UNC13B: variants seen among roughly 807,000 people sequenced by gnomAD.
UNC13B encodes the protein protein unc-13 homolog B.
UNC13B carries 144 observed loss-of-function variants against 211.0 expected under a neutral mutation model. The ratio of observed to expected loss-of-function variants is 0.68; its 90% CI spans 0.60 to 0.78. The LOEUF is 0.78. Among genes scored for constraint, UNC13B ranks in the 30% least tolerant of loss-of-function variants. The pLI, the probability that UNC13B is intolerant of heterozygous loss-of-function variation, is 0.00. For synonymous variants in UNC13B, 709 were observed against 725.8 expected (o/e 0.98, Z 0.37); for missense variants, 1,777 against 2,002.0 (o/e 0.89, Z 2.14).
chr9:35,180,033 T>C (rs1417173138), intron 1 of UNC13B, among the ~76,000 whole-genome samples: 1 of 152,200 alleles, frequency 6.6e-6, no homozygotes, highest in Non-Finnish European at 1.5e-5. Context: ...CATAGAAATC[T>C]GATTGTGTAT....
intron 6 of UNC13B, among the ~76,000 whole-genome samples, chr9:35,256,679 G>A (rs1826897890): frequency 6.6e-6 from 1 of 152,044 alleles, no homozygotes; most frequent in Non-Finnish European, 1.5e-5. Context: ...ATACCCACCT[G>A]GACAGGCTAT....
At chr9:35,187,470 CA>C (rs1822424117) in intron 1 of UNC13B, among the ~76,000 whole-genome samples, 1 of 152,160 alleles carries the variant, frequency 6.6e-6, no homozygotes. Flanking sequence ...AATTTAGTGA[CA>C]AATGGATGAT....
intron 11 of UNC13B, among the ~76,000 whole-genome samples, chr9:35,330,797 C>T (rs560104807): frequency 1.3e-5 from 2 of 152,286 alleles, no homozygotes; most frequent in Admixed American, 1.3e-4. Flanking sequence ...TAGGATGTCA[C>T]ACCTGGACTG....
intron 11 of UNC13B, among the ~76,000 whole-genome samples, chr9:35,364,829 A>G (rs1833673146): frequency 6.6e-6 from 1 of 152,196 alleles, no homozygotes; most frequent in South Asian, 2.1e-4. Context: ...TGTGCATTCA[A>G]TGTAGCATGT....
chr9:35,211,348 CGTGT>C (rs368579727), intron 1 of UNC13B, among the ~76,000 whole-genome samples: 3 of 151,724 alleles, frequency 2.0e-5, no homozygotes, highest in Non-Finnish European at 2.9e-5. Context: ...TACTTTTTAT[CGTGT>C]GTGTGTGTGT....
At chr9:35,173,838 T>A (rs1389248092) in intron 1 of UNC13B, among the ~76,000 whole-genome samples, 5 of 152,232 alleles carry the variant, frequency 3.3e-5, no homozygotes, top group African/African-American at 1.2e-4. Context: ...CAGACATGGC[T>A]TGGTGAATAT....
intron 37 of UNC13B, chr9:35,402,146 TA>T: frequency 1.3e-6 from 1 of 744,122 alleles, no homozygotes; most frequent in African/African-American, 1.7e-5. Context: ...TAGAGATGGG[TA>T]ATGCCTTCAT....
At chr9:35,213,826 G>T (rs1824104800) in intron 1 of UNC13B, among the ~76,000 whole-genome samples, 1 of 152,058 alleles carries the variant, frequency 6.6e-6, no homozygotes, top group Admixed American at 6.6e-5. Flanking sequence ...AATTTACATG[G>T]TTCAGCAATC....
chr9:35,299,907 C>T (rs1373137764), intron 8 of UNC13B, among the ~76,000 whole-genome samples: 1 of 152,094 alleles, frequency 6.6e-6, no homozygotes, highest in East Asian at 1.9e-4. Flanking sequence ...ATTATTTCAG[C>T]TTTCTCTGAT....
At chr9:35,292,464 T>C (rs1386701439) in intron 7 of UNC13B, among the ~76,000 whole-genome samples, 1 of 152,220 alleles carries the variant, frequency 6.6e-6, no homozygotes. Context: ...ATCCAAATTC[T>C]AGAAGATATT....
intron 1 of UNC13B, among the ~76,000 whole-genome samples, chr9:35,218,576 T>G (rs1214086706): frequency 6.6e-6 from 1 of 151,826 alleles, no homozygotes; most frequent in African/African-American, 2.4e-5. Context: ...AATTAATTTT[T>G]TGTAGAGACA....
intron 11 of UNC13B, among the ~76,000 whole-genome samples, chr9:35,324,985 C>T (rs999544209): frequency 1.3e-5 from 2 of 152,160 alleles, no homozygotes; most frequent in Non-Finnish European, 2.9e-5. Flanking sequence ...ACCTGTTTTA[C>T]GTCCTGCATT....
chr9:35,294,452 A>G (rs1029316452), intron 7 of UNC13B, among the ~76,000 whole-genome samples: 2 of 152,088 alleles, frequency 1.3e-5, no homozygotes, highest in Non-Finnish European at 2.9e-5. Flanking sequence ...GATTACAGGC[A>G]TCTGCCATCA....
rs374464572 is a variant in UNC13B at position 35,381,191 on chromosome 9, C to T, written c.10467C>T (p.His3489=). The part of the protein sequence containing the change: ...IKGEEKVAPY[H]VQYTCLHENL... ...GGGAGGAGAAAGTAGCCCCATACCA[C>T]GTGCAGTATACATGTCTCCATGAGG... The change falls in exon 19 of 40, where the codon CAC becomes CAT. Residue 3489 remains histidine (H), a synonymous_variant. Coordinates refer to ENST00000635942, the MANE Select transcript of UNC13B (RefSeq NM_001371189.2). 1.1e-5 allele frequency: 18 copies of T among 1,614,016 alleles called. No individual in the cohort carries two copies. Among genetic ancestry groups the T allele is most frequent in the South Asian group, 3.3e-5 (3 of 91,020 alleles).
At chr9:35,284,133 G>A (rs1828658498) in intron 7 of UNC13B, among the ~76,000 whole-genome samples, 1 of 152,048 alleles carries the variant, frequency 6.6e-6, no homozygotes, top group South Asian at 2.1e-4. Context: ...GGTGGCATGC[G>A]ACTGTAGCCT....
chr9:35,331,671 A>T (rs1831376543), intron 11 of UNC13B, among the ~76,000 whole-genome samples: 1 of 152,200 alleles, frequency 6.6e-6, no homozygotes, highest in Non-Finnish European at 1.5e-5. Flanking sequence ...AATAATTAAC[A>T]GTTAAGTATT....
At chr9:35,166,846 A>G (rs1821061402) in intron 1 of UNC13B, among the ~76,000 whole-genome samples, 1 of 152,142 alleles carries the variant, frequency 6.6e-6, no homozygotes. Flanking sequence ...AGATGAGTAT[A>G]TAGGTTCTGC....
intron 9 of UNC13B, 68 bp from the exon 10 acceptor site, chr9:35,310,399 T>G: frequency 6.7e-7 from 1 of 1,502,932 alleles, no homozygotes. Context: ...TTCCTGGATG[T>G]CTCCTTTCTT....
At chr9:35,352,294 C>T (rs1035355457) in intron 11 of UNC13B, 70 of 1,232,020 alleles carry the variant, frequency 5.7e-5, no homozygotes, top group African/African-American at 7.8e-5. Context: ...GCAACAGGTA[C>T]ATTAAAAAGG....
Sources: gnomAD v4.1 joint callset for allele counts (sites outside exome capture counted in the v4.1 genomes callset) on GRCh38, gnomAD v4.1.1 for gene constraint, MANE v1.5 for transcripts, NCBI Gene and HGNC (gene_info 2026-07-23, HGNC 2026-07-21) for gene names.